Variants in LTN1 observed in about 807,000 individuals in gnomAD.
LTN1 encodes E3 ubiquitin-protein ligase listerin.
In LTN1, 88 loss-of-function variants were observed where a neutral mutation model predicts 201.2. The observed-to-expected ratio is 0.44, with a 90% confidence interval of 0.37 to 0.52. LTN1 has a LOEUF of 0.52. Among genes scored for constraint, LTN1 ranks in the 20% least tolerant of loss-of-function variants. The probability of loss-of-function intolerance (pLI) is 0.00; values close to 1 mark genes in which losing one functional copy is unlikely to be tolerated. For missense variants in LTN1, 1,752 were observed against 2,038.7 expected (o/e 0.86, Z 2.71); for synonymous variants, 645 against 713.5 (o/e 0.90, Z 1.53).
chr21:28,952,014 A>T (rs536920531), intron 18 of LTN1, 146 bp downstream of exon 18: 81 of 542,416 alleles, frequency 1.5e-4, no homozygotes, highest in African/African-American at 1.3e-3. Flanking sequence ...CCTAACCTAA[A>T]ACAATTTAAT....
Position 28,984,008 on chromosome 21 carries a change from CAA to C in LTN1, c.576+682_576+683del, listed in dbSNP as rs1383730993. On this transcript the variant is annotated intron_variant, in intron 4 of 29. Transcript: ENST00000361371. ...GTAACTTTTTATGAGAAAGTTATGG[CAA>C]AAGTGTTAGCCCAGTGTGGAGAAAC... Among the ~76,000 whole-genome samples, 3 of 152,082 alleles carry C rather than the reference CAA, an allele frequency of 2.0e-5. 1 individual carries two copies. The highest frequency in any genetic ancestry group is 4.4e-5 in the Non-Finnish European group (3 of 68,000).
intron 18 of LTN1, among the ~76,000 whole-genome samples, chr21:28,949,337 T>A (rs1002176230): frequency 2.0e-5 from 3 of 152,224 alleles, no homozygotes; most frequent in African/African-American, 7.2e-5. Context: ...TCAGAAATAC[T>A]ATATAAAAAA....
intron 25 of LTN1, among the ~76,000 whole-genome samples, chr21:28,939,440 T>A (rs1425546377): frequency 6.6e-6 from 1 of 152,210 alleles, no homozygotes; most frequent in Non-Finnish European, 1.5e-5. Context: ...AACATACACA[T>A]GTACATATAC....
chr21:28,935,462 A>G (rs2084247449), intron 26 of LTN1, 133 bp from the exon 27 acceptor site: 2 of 616,008 alleles, frequency 3.2e-6, no homozygotes, highest in Non-Finnish European at 5.7e-6. Flanking sequence ...AAACAAACAT[A>G]CCAGAGAAAC....
chr21:28,988,276 C>T (rs903576426), intron 1 of LTN1, among the ~76,000 whole-genome samples: 3 of 151,722 alleles, frequency 2.0e-5, no homozygotes, highest in African/African-American at 7.3e-5. Context: ...AAACCAGCCT[C>T]GGCAACATGG....
At position 28,969,572 on chromosome 21, in the gene LTN1, G is replaced by A; in HGVS notation, c.1205C>T (p.Ser402Phe). ...AGATATTACTGCCGAGGACTCTAAA[G>A]AGCTGGTTTTAGTTCTCTCTGTTGA... ...GLSTERTKTS[S>F]LESSAVISAF... The change falls in exon 9 of 30, where the codon TCT (serine) becomes TTT (phenylalanine). Residue 402 changes from serine (S) to phenylalanine (F), a missense_variant. Coordinates refer to ENST00000361371, the MANE Select transcript of LTN1 (RefSeq NM_015565.3). 6.2e-7 allele frequency: 1 copy of A among 1,608,238 alleles called. No homozygotes were observed. The highest frequency in any genetic ancestry group is 1.3e-5 in the African/African-American group (1 of 74,638).
Position 28,959,709 on chromosome 21 carries a change from A to T in LTN1, c.2354-12T>A. ...TCCAATCAAGTAATCTGGAGAAAAAAAGGTTCAAACAGACAAAAAATAAAA... is the reference window on the plus strand; with the variant it reads ...TCCAATCAAGTAATCTGGAGAAAAATAGGTTCAAACAGACAAAAAATAAAA... On this transcript the variant is annotated splice_polypyrimidine_tract_variant and intron_variant, in intron 12 of 29. Coordinates refer to ENST00000361371, the MANE Select transcript of LTN1 (RefSeq NM_015565.3). 6.3e-7 allele frequency: 1 copy of T among 1,581,844 alleles called. No homozygotes were observed. Among genetic ancestry groups the T allele is most frequent in the Non-Finnish European group, 8.6e-7 (1 of 1,165,818 alleles).
At chr21:28,952,063 G>C in intron 18 of LTN1, 97 bp downstream of exon 18, 1 of 652,392 alleles carries the variant, frequency 1.5e-6, no homozygotes, top group South Asian at 2.4e-5. Flanking sequence ...TCCTAAACCT[G>C]TTTTCTTGAT....
At chr21:28,981,069 TG>T in intron 6 of LTN1, 49 bp downstream of exon 6, 1 of 1,131,822 alleles carries the variant, frequency 8.8e-7, no homozygotes, top group Non-Finnish European at 1.2e-6. Flanking sequence ...ACTAAGAAGA[TG>T]GGGGTAAGGA....
At chr21:28,950,603 C>T (rs940966421) in intron 18 of LTN1, among the ~76,000 whole-genome samples, 2 of 152,070 alleles carry the variant, frequency 1.3e-5, no homozygotes, top group Admixed American at 6.5e-5. Context: ...GCAACCTCCA[C>T]CTCCTGAGCT....
At chr21:28,937,026 T>C in intron 25 of LTN1, among the ~76,000 whole-genome samples, 1 of 152,228 alleles carries the variant, frequency 6.6e-6, no homozygotes, top group East Asian at 1.9e-4. Flanking sequence ...CCCATTTTTA[T>C]GGCTGACCTC....
At position 28,984,939 on chromosome 21, in the gene LTN1, T is replaced by C. The variant is rs950848976; in HGVS notation, c.346-17A>G. The C allele has an allele frequency of 1.9e-6, 3 of 1,582,518 alleles. No individual in the cohort carries two copies. The highest frequency in any genetic ancestry group is 2.6e-6 in the Non-Finnish European group (3 of 1,156,462). On this transcript the variant is annotated splice_polypyrimidine_tract_variant and intron_variant, in intron 3 of 29. Transcript: ENST00000361371. Reference sequence around the variant, plus strand: ...GTCATGATCCTATTAAAAATATAAATGTGATTTAAAATAGCTCTAGCCCAT... The same window carrying C: ...GTCATGATCCTATTAAAAATATAAACGTGATTTAAAATAGCTCTAGCCCAT...
At chr21:28,940,005 G>C (rs1411909721) in intron 25 of LTN1, among the ~76,000 whole-genome samples, 1 of 152,190 alleles carries the variant, frequency 6.6e-6, no homozygotes, top group African/African-American at 2.4e-5. Flanking sequence ...CCAGGGTATA[G>C]GGTATGAGCA....
At chr21:28,965,998 C>G in intron 10 of LTN1, 92 bp from the exon 11 acceptor site, 3 of 800,108 alleles carry the variant, frequency 3.7e-6, no homozygotes, top group Non-Finnish European at 2.0e-6. Flanking sequence ...GTCTAGAACT[C>G]ATGGGCTCAA....
Position 28,981,147 on chromosome 21 carries a change from CA to C in LTN1, c.781del (p.Trp261GlyfsTer18). On this transcript the variant is annotated frameshift_variant, in exon 6 of 30. Transcript: ENST00000361371. LOFTEE classifies it high-confidence loss of function. The stretch of plus-strand genomic sequence containing the variant: ...AGGTACACTGTGTTTTCCATACTTC[CA>C]AAACTTATTCTGTGATAAAAGAGAC... Reference protein sequence around the residue: ...FKSLLSQNKFWKYGKHSVPQI... With the variant: ...FKSLLSQNKFXKYGKHSVPQI... 1 of 1,575,372 alleles carries C rather than the reference CA, an allele frequency of 6.3e-7. No homozygotes were observed. Among genetic ancestry groups the C allele is most frequent in the South Asian group, 1.2e-5 (1 of 83,706 alleles).
At chr21:28,936,494 C>A in intron 26 of LTN1, 32 bp downstream of exon 26, 1 of 1,553,474 alleles carries the variant, frequency 6.4e-7, no homozygotes, top group Non-Finnish European at 8.7e-7. Context: ...ATCTAGTGTC[C>A]AAGAAAGAAC....
chr21:28,959,584 T>A lies in LTN1; in HGVS notation c.2467A>T (p.Ile823Phe), dbSNP rs1466784065. Residue 823 changes from isoleucine (I) to phenylalanine (F), a missense_variant, in exon 13 of 30, where the codon ATC (isoleucine) becomes TTC (phenylalanine). Coordinates refer to ENST00000361371, the MANE Select transcript of LTN1 (RefSeq NM_015565.3). ...AESSDSSVSF[I>F]CDVAYNYFSS... ...AAATAGTTATAGGCCACATCACAGA[T>A]AAAAGACACTGATGAGTCACTGCTT... The A allele has an allele frequency of 2.5e-6, 4 of 1,614,086 alleles. No individual in the cohort carries two copies. Among genetic ancestry groups the A allele is most frequent in the South Asian group, 1.1e-5 (1 of 91,086 alleles).
At chr21:28,931,364 C>T (rs753284572) in intron 28 of LTN1, 42 bp from the exon 29 acceptor site, 1 of 1,099,758 alleles carries the variant, frequency 9.1e-7, no homozygotes, top group Non-Finnish European at 1.3e-6. Flanking sequence ...CACTGATAAC[C>T]ACCAATTTTA....
chr21:28,959,967 T>G, intron 12 of LTN1: 1 of 276,696 alleles, frequency 3.6e-6, no homozygotes, highest in Non-Finnish European at 6.7e-6. Context: ...GTCAACTTTA[T>G]GAGCTAAAAA....
Sources: allele counts gnomAD v4.1 joint callset (sites outside exome capture counted in the v4.1 genomes callset), GRCh38; gene constraint gnomAD v4.1.1; transcripts MANE v1.5; gene names NCBI Gene and HGNC (gene_info 2026-07-23, HGNC 2026-07-21).